The following MYO1H variants were observed in gnomAD, a reference collection of about 807,000 sequenced individuals.
MYO1H encodes unconventional myosin-Ih.
MYO1H carries 118 observed loss-of-function variants against 149.3 expected under a neutral mutation model. The observed-to-expected ratio is 0.79, with a 90% confidence interval of 0.68 to 0.92. The LOEUF is 0.92. Among genes scored for constraint, MYO1H ranks in the 40% least tolerant of loss-of-function variants. MYO1H has a pLI of 0.00. For synonymous variants in MYO1H, 447 were observed against 465.2 expected, an observed-to-expected ratio of 0.96 and a Z score of 0.50; for missense variants, 1,212 against 1,280.7, an observed-to-expected ratio of 0.95 and a Z score of 0.82.
chr12:109,335,863 T>TA, the MYO1H span, among the ~76,000 whole-genome samples: 4 of 152,216 alleles, frequency 2.6e-5, no homozygotes, highest in East Asian at 1.9e-4. Context: ...ATAGGCAATT[T>TA]AAAAAATGTG....
intron 15 of MYO1H, among the ~76,000 whole-genome samples, chr12:109,419,681 G>A (rs1257052798): frequency 6.6e-6 from 1 of 151,940 alleles, no homozygotes; most frequent in Non-Finnish European, 1.5e-5. Context: ...CCAAGTAGCT[G>A]GGACTACAGG....
At chr12:109,391,014 C>T (rs1052416985) in intron 2 of MYO1H, among the ~76,000 whole-genome samples, 11 of 152,194 alleles carry the variant, frequency 7.2e-5, no homozygotes, top group South Asian at 2.1e-4. Flanking sequence ...ATCAGGTTTA[C>T]GTGCTCCCCT....
At chr12:109,400,979 G>C in intron 5 of MYO1H, 114 bp from the exon 6 acceptor site, 2 of 883,598 alleles carry the variant, frequency 2.3e-6, no homozygotes, top group Non-Finnish European at 3.3e-6. Context: ...AAAAAAGAAA[G>C]AAGATTGATC....
chr12:109,363,668 C>T (rs188583591), intron 1 of MYO1H, among the ~76,000 whole-genome samples: 10 of 151,408 alleles, frequency 6.6e-5, no homozygotes, highest in Admixed American at 2.0e-4. Flanking sequence ...GCTGAGATCA[C>T]GCCATTGCAC....
At chr12:109,419,314 G>A (rs1871068508) in intron 15 of MYO1H, among the ~76,000 whole-genome samples, 4 of 152,154 alleles carry the variant, frequency 2.6e-5, no homozygotes, top group African/African-American at 7.2e-5. Flanking sequence ...GTGGTGGGGC[G>A]GGGGCATCGT....
exon 15 of MYO1H, chr12:109,415,545 A>C: frequency 6.2e-7 from 1 of 1,607,254 alleles, no homozygotes; most frequent in Non-Finnish European, 8.5e-7. Flanking sequence ...GGCTGGTCCA[A>C]AGGGCCGAAA....
chr12:109,392,867 G>A (rs1334525813), intron 2 of MYO1H, among the ~76,000 whole-genome samples: 2 of 151,782 alleles, frequency 1.3e-5, no homozygotes, highest in African/African-American at 4.8e-5. Flanking sequence ...CTGGAGTGCA[G>A]TGGCTGATCT....
chr12:109,316,975 G>A, the MYO1H span, among the ~76,000 whole-genome samples: 1 of 152,224 alleles, frequency 6.6e-6, no homozygotes, highest in Non-Finnish European at 1.5e-5. Flanking sequence ...AGGAGGCAGT[G>A]AGGGTTTGGT....
At chr12:109,333,284 C>T in the MYO1H span, among the ~76,000 whole-genome samples, 1 of 152,034 alleles carries the variant, frequency 6.6e-6, no homozygotes, top group Non-Finnish European at 1.5e-5. Context: ...CGCACCATCG[C>T]ACTCTAGCCT....
intron 16 of MYO1H, among the ~76,000 whole-genome samples, chr12:109,424,062 CTCTTTCTT>C (rs1035909596): frequency 6.6e-6 from 1 of 152,144 alleles, no homozygotes; most frequent in South Asian, 2.1e-4. Context: ...GTATGTGTAT[CTCTTTCTT>C]TCTTTTTATT....
exon 32 of MYO1H, chr12:109,447,406 C>T (rs1218162783): frequency 1.7e-6 from 1 of 602,452 alleles, no homozygotes; most frequent in Non-Finnish European, 3.0e-6. Flanking sequence ...TGGAAGCAGA[C>T]CCCAGGTCAC....
intron 27 of MYO1H, among the ~76,000 whole-genome samples, chr12:109,443,040 G>GTGTGTATATATGTGTACGTA (rs1592823030): frequency 0.016 from 691 of 42,622 alleles, 43 homozygotes; most frequent in South Asian, 0.049. Context: ...GTGTGTGTGT[G>GTGTGTATATATGTGTACGTA]TGTGTGTATA....
the MYO1H span, among the ~76,000 whole-genome samples, chr12:109,322,092 G>T: frequency 2.6e-5 from 4 of 152,144 alleles, no homozygotes; most frequent in East Asian, 7.7e-4. Flanking sequence ...CAGAGAGCCA[G>T]ATATGAGCTG....
Position 109,406,872 on chromosome 12 carries a change from T to C in MYO1H, c.1035+12T>C. 1 of 1,612,450 alleles carries C rather than the reference T, an allele frequency of 6.2e-7. No individual in the cohort carries two copies. The highest frequency in any genetic ancestry group is 8.5e-7 in the Non-Finnish European group (1 of 1,178,552). ...CCAAAACTGAGGAGGTAAAAATGGC[T>C]ATAGGTGGAAATGTGCCAGCCCTCC... On this transcript the variant is annotated intron_variant, in intron 9 of 31. Transcript: ENST00000310903.
At chr12:109,431,575 G>A (rs1001246828) in intron 19 of MYO1H, among the ~76,000 whole-genome samples, 3 of 152,098 alleles carry the variant, frequency 2.0e-5, no homozygotes, top group East Asian at 1.9e-4. Flanking sequence ...GACTCCTCCC[G>A]CTCCGGAGCT....
intron 19 of MYO1H, among the ~76,000 whole-genome samples, chr12:109,429,757 G>GT (rs1400396634): frequency 1.2e-3 from 175 of 151,344 alleles, no homozygotes; most frequent in Non-Finnish European, 2.1e-3. Flanking sequence ...CCTTAGGTAA[G>GT]GGGGTCACTC....
chr12:109,361,813 C>CAA lies in MYO1H; in HGVS notation c.12+13867_12+13868dup, dbSNP rs35915417. On this transcript the variant is annotated intron_variant, in intron 1 of 31. Coordinates refer to ENST00000310903, the Ensembl canonical transcript of MYO1H. ...GGTGACAGAGCAAGACCTTGTCTCA[C>CAA]AAAAAAAAAAAAAAAAAAAAAAAAA... is the stretch of plus-strand genomic sequence containing the variant. Among the ~76,000 whole-genome samples the CAA allele has an allele frequency of 3.9e-3, 220 of 56,862 alleles. 12 individuals are homozygous for CAA. The highest frequency in any genetic ancestry group is 6.1e-3 in the South Asian group (7 of 1,154). 37.3% of individuals were successfully genotyped at this position (56,862 alleles called of 152,430 possible). A position where few individuals can be genotyped will look rare whatever the true frequency, so the allele number is the denominator to read the frequency against.
intron 1 of MYO1H, among the ~76,000 whole-genome samples, chr12:109,379,961 A>T (rs990083156): frequency 1.3e-5 from 2 of 152,080 alleles, no homozygotes; most frequent in African/African-American, 2.4e-5. Flanking sequence ...TCGATGTCTT[A>T]ACCTCGTGAT....
chr12:109,332,999 T>G, the MYO1H span, among the ~76,000 whole-genome samples: 1 of 152,090 alleles, frequency 6.6e-6, no homozygotes, highest in South Asian at 2.1e-4. Flanking sequence ...TCTATGAAGG[T>G]TTTCTTTGGA....
Sources: allele counts gnomAD v4.1 joint callset (sites outside exome capture counted in the v4.1 genomes callset), GRCh38; gene constraint gnomAD v4.1.1; transcripts MANE v1.5; gene names NCBI Gene and HGNC (gene_info 2026-07-23, HGNC 2026-07-21).